Variants in VOPP1 observed in about 807,000 individuals in gnomAD.
VOPP1 encodes the protein VOPP1 WW domain binding protein.
Under a neutral mutation model 23.5 loss-of-function variants are expected in VOPP1, and 8 were observed. That is an observed-to-expected ratio of 0.34 (90% CI 0.20 to 0.61). The LOEUF (loss-of-function observed/expected upper bound fraction) is 0.61, where lower values mean the gene tolerates loss of function less well. Among genes scored for constraint, VOPP1 ranks in the 20% least tolerant of loss-of-function variants. The pLI is 0.78. For synonymous variants in VOPP1, 83 were observed against 97.3 expected (o/e 0.85, Z 0.86); for missense variants, 174 against 238.1 (o/e 0.73, Z 1.77).
intron 1 of VOPP1, among the ~76,000 whole-genome samples, chr7:55,564,243 G>GTCTCTCTGTCTCTCTCTCTCTC (rs1554302407): frequency 7.9e-6 from 1 of 125,896 alleles, no homozygotes; most frequent in Non-Finnish European, 1.6e-5. Flanking sequence ...CTCTGTCTCT[G>GTCTCTCTGTCTCTCTCTCTCTC]TCTCTCTCTC....
chr7:55,524,725 T>C (rs557858291), intron 1 of VOPP1, among the ~76,000 whole-genome samples: 4 of 152,208 alleles, frequency 2.6e-5, no homozygotes, highest in South Asian at 2.1e-4. Context: ...GCTTGCCCAA[T>C]TGAGGAGGAC....
At chr7:55,531,450 A>C (rs1223680883) in intron 1 of VOPP1, among the ~76,000 whole-genome samples, 1 of 151,716 alleles carries the variant, frequency 6.6e-6, no homozygotes, top group Non-Finnish European at 1.5e-5. Flanking sequence ...CCTGGGTTCA[A>C]GCGATTCTCT....
intron 1 of VOPP1, among the ~76,000 whole-genome samples, chr7:55,566,498 G>A (rs1363415606): frequency 6.6e-6 from 1 of 152,078 alleles, no homozygotes; most frequent in Non-Finnish European, 1.5e-5. Context: ...AAAGGAAGAG[G>A]TTGCAGTGAG....
At chr7:55,522,839 C>T in intron 1 of VOPP1, among the ~76,000 whole-genome samples, 1 of 152,244 alleles carries the variant, frequency 6.6e-6, no homozygotes, top group South Asian at 2.1e-4. Flanking sequence ...TTCTGCAATT[C>T]CTCTTGGTCT....
chr7:55,539,899 G>GCACA (rs60831624), intron 1 of VOPP1, among the ~76,000 whole-genome samples: 27,745 of 139,036 alleles, frequency 0.2, 3,230 homozygotes, highest in East Asian at 0.37. Flanking sequence ...CATAAGCGCT[G>GCACA]CACACACACA....
At chr7:55,464,476 G>T (rs1791584530) in intron 4 of VOPP1, among the ~76,000 whole-genome samples, 1 of 152,200 alleles carries the variant, frequency 6.6e-6, no homozygotes, top group Admixed American at 6.5e-5. Context: ...GCTGCTGGAA[G>T]TTGGGGGATG....
intron 1 of VOPP1, among the ~76,000 whole-genome samples, chr7:55,545,495 C>T (rs1398843817): frequency 6.6e-6 from 1 of 152,230 alleles, no homozygotes; most frequent in Non-Finnish European, 1.5e-5. Flanking sequence ...AGGGAAGAAG[C>T]CTGCTCTCCC....
At chr7:55,483,352 A>G (rs568267859) in intron 4 of VOPP1, among the ~76,000 whole-genome samples, 4 of 152,272 alleles carry the variant, frequency 2.6e-5, no homozygotes, top group East Asian at 1.9e-4. Context: ...GAGGCAGTTG[A>G]TAAGTGTCTA....
intron 4 of VOPP1, among the ~76,000 whole-genome samples, chr7:55,436,614 ATGAG>A (rs1441959951): frequency 8.1e-5 from 12 of 148,954 alleles, no homozygotes; most frequent in East Asian, 7.8e-4. Context: ...GTGTGTGTGC[ATGAG>A]TGTGTGTGTG....
At chr7:55,462,774 G>T (rs1194474263) in intron 4 of VOPP1, among the ~76,000 whole-genome samples, 1 of 149,186 alleles carries the variant, frequency 6.7e-6, no homozygotes, top group Non-Finnish European at 1.5e-5. Context: ...TCCTGCCTCA[G>T]CCTCCCAAGT....
At position 55,516,074 on chromosome 7, in the gene VOPP1, T is replaced by A. The variant is rs774017655; in HGVS notation, c.113+4998A>T. 3.8e-3 allele frequency: 3,565 copies of A among 944,526 alleles called. 9 individuals carry two copies. The highest frequency in any genetic ancestry group is 4.3e-3 in the Non-Finnish European group (3,398 of 792,574). 58.5% of individuals were successfully genotyped at this position (944,526 alleles called of 1,614,324 possible). On this transcript the variant is annotated intron_variant, in intron 2 of 4. Coordinates refer to ENST00000285279, the MANE Select transcript of VOPP1 (RefSeq NM_030796.5). ...AGAATGCAAGCCAAGGGGCGGGAGC[T>A]GCTGAGGCCACACAGCCACTTGCTA...
At chr7:55,500,912 A>G (rs1230476063) in intron 2 of VOPP1, among the ~76,000 whole-genome samples, 1 of 152,226 alleles carries the variant, frequency 6.6e-6, no homozygotes, top group Admixed American at 6.5e-5. Flanking sequence ...GGAGCCTTTC[A>G]TGACCAAAGG....
At chr7:55,563,123 T>A (rs894792806) in intron 1 of VOPP1, among the ~76,000 whole-genome samples, 1 of 152,164 alleles carries the variant, frequency 6.6e-6, no homozygotes, top group Admixed American at 6.5e-5. Flanking sequence ...AAATGATAAA[T>A]CAATTAGTCT....
chr7:55,457,407 A>G (rs1160460514), intron 4 of VOPP1, among the ~76,000 whole-genome samples: 2 of 152,192 alleles, frequency 1.3e-5, no homozygotes, highest in Non-Finnish European at 2.9e-5. Context: ...GGCTATTGTG[A>G]ATAGTGCTTC....
intron 4 of VOPP1, among the ~76,000 whole-genome samples, chr7:55,459,341 GT>G (rs953715687): frequency 6.6e-6 from 1 of 151,984 alleles, no homozygotes; most frequent in Non-Finnish European, 1.5e-5. Context: ...TTTCTTTTTC[GT>G]TGTGTCCTTC....
At chr7:55,572,173 C>T in intron 1 of VOPP1, 98 bp downstream of exon 1, 1 of 1,016,856 alleles carries the variant, frequency 9.8e-7, no homozygotes, top group Non-Finnish European at 1.4e-6. Context: ...GTCTGCGCTC[C>T]CAGGCAAGGT....
intron 2 of VOPP1, among the ~76,000 whole-genome samples, chr7:55,516,292 G>C (rs1406259516): frequency 6.6e-6 from 1 of 152,154 alleles, no homozygotes; most frequent in Non-Finnish European, 1.5e-5. Context: ...AGATCCCAAA[G>C]GGTCTTTTTC....
chr7:55,521,051 C>A, intron 2 of VOPP1, 21 bp downstream of exon 2: 1 of 1,561,658 alleles, frequency 6.4e-7, no homozygotes, highest in African/African-American at 1.4e-5. Flanking sequence ...AATGAAACCA[C>A]AGAAAGGTGC....
At chr7:55,508,726 A>G (rs1794885870) in intron 2 of VOPP1, among the ~76,000 whole-genome samples, 1 of 152,118 alleles carries the variant, frequency 6.6e-6, no homozygotes, top group Admixed American at 6.5e-5. Context: ...AAAAAAATAA[A>G]TTCTGGCCAT....
Sources: gnomAD v4.1 joint callset for allele counts (sites outside exome capture counted in the v4.1 genomes callset) on GRCh38, gnomAD v4.1.1 for gene constraint, MANE v1.5 for transcripts, NCBI Gene and HGNC (gene_info 2026-07-23, HGNC 2026-07-21) for gene names.